Variants in CCNYL1 observed in about 807,000 individuals in gnomAD.
CCNYL1 encodes cyclin-Y-like protein 1.
A neutral mutation model predicts 44.2 loss-of-function variants in CCNYL1; 16 were observed. The observed-to-expected ratio is 0.36, with a 90% CI of 0.25 to 0.55. The LOEUF (loss-of-function observed/expected upper bound fraction) is 0.55. Among genes scored for constraint, CCNYL1 ranks in the 20% least tolerant of loss-of-function variants. The probability of loss-of-function intolerance (pLI) is 0.85; values close to 1 mark genes in which losing one functional copy is unlikely to be tolerated. For missense variants in CCNYL1, 348 were observed against 451.8 expected (o/e 0.77, Z 2.08); for synonymous variants, 159 against 163.2 (o/e 0.97, Z 0.20).
chr2:207,712,164 C>T (rs1031181833), intron 1 of CCNYL1, 48 bp downstream of exon 1: 2 of 1,510,938 alleles, frequency 1.3e-6, no homozygotes, highest in Non-Finnish European at 1.8e-6. Context: ...CCTCTGCCCG[C>T]CTCCTCCCCC....
At chr2:207,729,650 T>C (rs905766225) in intron 3 of CCNYL1, among the ~76,000 whole-genome samples, 1 of 152,046 alleles carries the variant, frequency 6.6e-6, no homozygotes, top group Non-Finnish European at 1.5e-5. Context: ...TTCTTTTTTA[T>C]CTCCTTTCCT....
intron 9 of CCNYL1, 135 bp downstream of exon 9, chr2:207,751,254 TTTGGCG>T: frequency 1.4e-6 from 1 of 700,048 alleles, no homozygotes; most frequent in Non-Finnish European, 2.3e-6. Context: ...TTATTAGCCC[TTTGGCG>T]TCAGATTTCC....
Position 207,711,853 on chromosome 2 carries a change from A to G in CCNYL1, c.-44A>G. 2 of 1,304,196 alleles carry G rather than the reference A, an allele frequency of 1.5e-6. No homozygotes were observed. Among genetic ancestry groups the G allele is most frequent in the Admixed American group, 3.8e-5 (1 of 26,034 alleles). 80.8% of individuals were successfully genotyped at this position (1,304,196 alleles called of 1,614,324 possible). ...GGGCGGCTGTTGAGGGCGGCGGAGT[A>G]GGGGGCGAGCGAAGGCGGTGGCAGA... On this transcript the variant is annotated 5_prime_UTR_variant, in exon 1 of 10. Coordinates refer to ENST00000295414, the MANE Select transcript of CCNYL1 (RefSeq NM_001330218.2).
At chr2:207,740,426 G>A (rs191505345) in intron 5 of CCNYL1, among the ~76,000 whole-genome samples, 50 of 152,186 alleles carry the variant, frequency 3.3e-4, no homozygotes, top group South Asian at 1.2e-3. Flanking sequence ...ATTCTGAATC[G>A]TCATTGTAGA....
chr2:207,730,734 G>A (rs1256199052), intron 3 of CCNYL1, among the ~76,000 whole-genome samples: 2 of 152,028 alleles, frequency 1.3e-5, no homozygotes, highest in Non-Finnish European at 2.9e-5. Flanking sequence ...CTCCAGCCTG[G>A]GCAACAGAGC....
intron 5 of CCNYL1, among the ~76,000 whole-genome samples, chr2:207,739,983 T>C (rs1011119107): frequency 1.2e-4 from 18 of 152,184 alleles, no homozygotes. Flanking sequence ...TTCAATCAGC[T>C]TTCTCAGGTT....
At chr2:207,750,835 G>T in intron 8 of CCNYL1, 122 bp from the exon 9 acceptor site, 1 of 781,296 alleles carries the variant, frequency 1.3e-6, no homozygotes, top group Non-Finnish European at 2.0e-6. Flanking sequence ...AATACAACTG[G>T]GTAGCCTATA....
intron 1 of CCNYL1, among the ~76,000 whole-genome samples, chr2:207,721,143 A>G (rs2091637528): frequency 6.6e-6 from 1 of 152,190 alleles, no homozygotes; most frequent in African/African-American, 2.4e-5. Context: ...AGTGTGCAGT[A>G]TGGTAGAGCA....
intron 5 of CCNYL1, among the ~76,000 whole-genome samples, 195 bp from the exon 6 acceptor site, chr2:207,740,460 C>G (rs1352691263): frequency 1.3e-5 from 2 of 152,180 alleles, no homozygotes; most frequent in Non-Finnish European, 2.9e-5. Flanking sequence ...TACAGAACCT[C>G]ATATGCTGAG....
chr2:207,715,027 C>A (rs903147267), intron 1 of CCNYL1, among the ~76,000 whole-genome samples: 1 of 152,064 alleles, frequency 6.6e-6, no homozygotes, highest in East Asian at 1.9e-4. Flanking sequence ...CCCAGCACTT[C>A]GGGAGGCTGA....
chr2:207,743,326 GT>G (rs1199844882), intron 7 of CCNYL1, among the ~76,000 whole-genome samples: 1 of 152,236 alleles, frequency 6.6e-6, no homozygotes, highest in Non-Finnish European at 1.5e-5. Flanking sequence ...TAAGCTCTAT[GT>G]GCCTGTGAGG....
At chr2:207,725,730 G>A (rs1437109208) in intron 2 of CCNYL1, among the ~76,000 whole-genome samples, 1 of 152,174 alleles carries the variant, frequency 6.6e-6, no homozygotes, top group African/African-American at 2.4e-5. Context: ...GTTAGCCTCA[G>A]CAAGTGAAAC....
At chr2:207,725,972 C>T (rs1026798065) in intron 2 of CCNYL1, among the ~76,000 whole-genome samples, 11 of 152,290 alleles carry the variant, frequency 7.2e-5, no homozygotes, top group African/African-American at 1.4e-4. Context: ...TTGTAAGCAG[C>T]ATTTTCGAAG....
At chr2:207,731,171 ATTCT>A (rs2091723418) in intron 3 of CCNYL1, among the ~76,000 whole-genome samples, 1 of 151,704 alleles carries the variant, frequency 6.6e-6, no homozygotes, top group Non-Finnish European at 1.5e-5. Flanking sequence ...AAAGTCATTA[ATTCT>A]TTTTTTTTTT....
At chr2:207,722,043 T>C (rs1274330636) in intron 1 of CCNYL1, among the ~76,000 whole-genome samples, 2 of 151,922 alleles carry the variant, frequency 1.3e-5, no homozygotes, top group Non-Finnish European at 2.9e-5. Context: ...TCTCTATATC[T>C]TATCATTTCT....
At position 207,750,981 on chromosome 2, in the gene CCNYL1, G is replaced by A; in HGVS notation, c.831G>A (p.Leu277=). ...EDMNEMERHF[L]ELLQFNINVP... ...GGAATGAAATGGAAAGGCATTTTCTGGAGCTTCTTCAGTTTAATATTAATG... is the reference window on the plus strand; with the variant it reads ...GGAATGAAATGGAAAGGCATTTTCTAGAGCTTCTTCAGTTTAATATTAATG... The change falls in exon 9 of 10, where the codon CTG becomes CTA. Residue 277 remains leucine (L), a synonymous_variant. Transcript: ENST00000295414. 5.0e-6 allele frequency: 8 copies of A among 1,613,760 alleles called. No individual in the cohort carries two copies. The highest frequency in any genetic ancestry group is 6.8e-6 in the Non-Finnish European group (8 of 1,179,830).
intron 1 of CCNYL1, chr2:207,714,822 C>G (rs538855840): frequency 7.8e-5 from 12 of 153,922 alleles, no homozygotes; most frequent in African/African-American, 2.9e-4. Context: ...ATAGAAATCT[C>G]CATTTCGGCA....
At chr2:207,740,768 G>T (rs2551963) in intron 6 of CCNYL1, 62 bp downstream of exon 6, 87,593 of 978,300 alleles carry the variant, frequency 0.09, 8,744 homozygotes, top group East Asian at 0.36. Flanking sequence ...ATTTCATGCT[G>T]ATATTTATAA....
At chr2:207,714,818 A>T (rs1416347651) in intron 1 of CCNYL1, 1 of 153,814 alleles carries the variant, frequency 6.5e-6, no homozygotes, top group Non-Finnish European at 1.4e-5. Context: ...GATAATAGAA[A>T]TCTCCATTTC....
Sources: gnomAD v4.1 joint callset for allele counts (sites outside exome capture counted in the v4.1 genomes callset) on GRCh38, gnomAD v4.1.1 for gene constraint, MANE v1.5 for transcripts, NCBI Gene and HGNC (gene_info 2026-07-23, HGNC 2026-07-21) for gene names.